PBRM1: variants seen among roughly 807,000 people sequenced by gnomAD.
PBRM1 encodes polybromo 1.
In PBRM1, 27 loss-of-function variants were observed where a neutral mutation model predicts 194.5. The observed-to-expected ratio is 0.14, with a 90% CI of 0.10 to 0.19. The LOEUF (loss-of-function observed/expected upper bound fraction) is 0.19. Ranked by LOEUF, PBRM1 falls within the 10% of genes least tolerant of loss-of-function variation. PBRM1 has a pLI of 1.00. For synonymous variants in PBRM1, 655 were observed against 693.2 expected (o/e 0.94, Z 0.87); for missense variants, 1,466 against 2,077.2 (o/e 0.71, Z 5.72).
chr3:52,663,056 T>C (rs765552511), intron 3 of PBRM1, among the ~76,000 whole-genome samples: 17 of 152,154 alleles, frequency 1.1e-4, no homozygotes, highest in Non-Finnish European at 2.5e-4. Flanking sequence ...AAAAACAACG[T>C]TGGATGCAAT....
At chr3:52,584,748 G>A (rs2092092439) in intron 20 of PBRM1, among the ~76,000 whole-genome samples, 2 of 152,004 alleles carry the variant, frequency 1.3e-5, no homozygotes, top group East Asian at 1.9e-4. Flanking sequence ...GAGCCAACAC[G>A]CCTGCCATCT....
rs145877340 is a variant in PBRM1, at chr3:52,554,990, G to A, written c.4454-111C>T. On this transcript the variant is annotated intron_variant, in intron 26 of 29. Transcript: ENST00000296302. ...CAATGAATAAAGCACCCTTAGTACT[G>A]CATGATATAACAGCAATTAGTGCAA... 22 of 760,434 alleles carry A rather than the reference G, an allele frequency of 2.9e-5. No individual in the cohort carries two copies. The East Asian group carries it at 5.8e-4, about 20-fold the overall frequency. The allele number at this position is 760,434 out of a possible 1,614,324, so 47.1% of individuals were successfully genotyped here.
At chr3:52,618,446 C>T (rs144026611) in intron 13 of PBRM1, among the ~76,000 whole-genome samples, 8 of 152,266 alleles carry the variant, frequency 5.3e-5, no homozygotes, top group African/African-American at 1.7e-4. Flanking sequence ...AATGATCTTC[C>T]GATATGGCTT....
chr3:52,682,416 A>T (rs908631271), upstream of PBRM1, among the ~76,000 whole-genome samples: 11 of 151,878 alleles, frequency 7.2e-5, no homozygotes, highest in African/African-American at 2.7e-4. Flanking sequence ...GCAGGAGTTC[A>T]AAATTACTTT....
chr3:52,584,728 T>C (rs566953389), intron 20 of PBRM1, among the ~76,000 whole-genome samples: 1 of 152,258 alleles, frequency 6.6e-6, no homozygotes, highest in South Asian at 2.1e-4. Flanking sequence ...AGTTCTAGGA[T>C]TACAGGTATG....
At chr3:52,643,422 C>T in intron 8 of PBRM1, 79 bp from the exon 10 acceptor site, 2 of 861,590 alleles carry the variant, frequency 2.3e-6, no homozygotes, top group East Asian at 2.4e-5. Flanking sequence ...CACACACAAC[C>T]ATTTTCTTCT....
At chr3:52,584,449 G>GCTTTTTTTTTTTTT (rs2092005607) in intron 20 of PBRM1, among the ~76,000 whole-genome samples, 1 of 80,792 alleles carries the variant, frequency 1.2e-5, no homozygotes, top group African/African-American at 6.4e-5. Context: ...AAGTATTCTT[G>GCTTTTTTTTTTTTT]CTTTTTTTTT....
upstream of PBRM1, among the ~76,000 whole-genome samples, chr3:52,683,643 G>A (rs918281261): frequency 2.0e-5 from 3 of 151,656 alleles, no homozygotes; most frequent in African/African-American, 7.3e-5. Flanking sequence ...GTGAAACCCC[G>A]TCTCTATCAA....
At chr3:52,683,215 A>AT (rs1449002209), upstream of PBRM1, among the ~76,000 whole-genome samples, 2 of 150,392 alleles carry the variant, frequency 1.3e-5, no homozygotes, top group African/African-American at 4.9e-5. Context: ...AAAAATAATA[A>AT]AAAAAAAAAT....
chr3:52,671,665 A>T (rs1355004167), intron 2 of PBRM1, among the ~76,000 whole-genome samples: 1 of 152,262 alleles, frequency 6.6e-6, no homozygotes, highest in African/African-American at 2.4e-5. Flanking sequence ...GCAAACAATA[A>T]ATACATGCTT....
At chr3:52,635,937 C>T (rs981020856) in intron 10 of PBRM1, among the ~76,000 whole-genome samples, 1 of 152,138 alleles carries the variant, frequency 6.6e-6, no homozygotes, top group Non-Finnish European at 1.5e-5. Flanking sequence ...GATCCTGGCT[C>T]ACTGCAACCT....
intron 20 of PBRM1, among the ~76,000 whole-genome samples, chr3:52,584,953 T>C (rs557085399): frequency 5.3e-5 from 8 of 152,240 alleles, no homozygotes; most frequent in African/African-American, 1.9e-4. Context: ...AAGAAATACC[T>C]ATTGAAAGTC....
intron 17 of PBRM1, among the ~76,000 whole-genome samples, chr3:52,589,575 C>A (rs567606012): frequency 6.6e-6 from 1 of 152,116 alleles, no homozygotes; most frequent in Admixed American, 6.5e-5. Flanking sequence ...CAAAGAAGTA[C>A]GTATGTCGTT....
chr3:52,558,379 T>G (rs561610279), exon 26 of PBRM1: 11 of 1,548,722 alleles, frequency 7.1e-6, no homozygotes, highest in Admixed American at 5.9e-5. Context: ...CTGCTCGCTC[T>G]CTCTCCTGCT....
In PBRM1 at chr3:52,643,351, G is replaced by A; in HGVS notation, c.900-8C>T. The A allele has an allele frequency of 6.3e-7, 1 of 1,591,832 alleles. No homozygotes were observed. Among genetic ancestry groups the A allele is most frequent in the African/African-American group, 1.3e-5 (1 of 74,608 alleles). ...GCCAAGTTGGATGGAGTCCTATCCAGAGATAAGATAAAAAGCTTAGAAACT... is the reference window on the plus strand; with the variant it reads ...GCCAAGTTGGATGGAGTCCTATCCAAAGATAAGATAAAAAGCTTAGAAACT... On this transcript the variant is annotated splice_polypyrimidine_tract_variant and splice_region_variant and intron_variant, in intron 8 of 29. Transcript: ENST00000296302.
intron 22 of PBRM1, among the ~76,000 whole-genome samples, chr3:52,566,082 A>G (rs2085131742): frequency 1.3e-5 from 2 of 152,046 alleles, no homozygotes; most frequent in Non-Finnish European, 2.9e-5. Flanking sequence ...AAAAAACACA[A>G]TGCTTAACAG....
At chr3:52,646,627 CCAAGA>C (rs1344698853) in intron 7 of PBRM1, among the ~76,000 whole-genome samples, 4 of 151,376 alleles carry the variant, frequency 2.6e-5, no homozygotes, top group African/African-American at 9.7e-5. Flanking sequence ...AACAAAGTTG[CCAAGA>C]CAATTCAAGA....
At chr3:52,662,409 T>A in intron 3 of PBRM1, 133 bp from the exon 5 acceptor site, 1 of 677,360 alleles carries the variant, frequency 1.5e-6, no homozygotes, top group Non-Finnish European at 2.5e-6. Context: ...TTAAAACATA[T>A]ATGGGTCCAA....
chr3:52,549,096 C>G (rs1229891720), intron 29 of PBRM1, among the ~76,000 whole-genome samples: 1 of 151,542 alleles, frequency 6.6e-6, no homozygotes, highest in Non-Finnish European at 1.5e-5. Flanking sequence ...TCTTGGCTCA[C>G]TGCAACCTCC....
Sources: allele counts gnomAD v4.1 joint callset (sites outside exome capture counted in the v4.1 genomes callset), GRCh38; gene constraint gnomAD v4.1.1; transcripts MANE v1.5; gene names NCBI Gene and HGNC (gene_info 2026-07-23, HGNC 2026-07-21).